HDAC9: variants seen among roughly 807,000 people sequenced by gnomAD.
HDAC9 encodes the protein histone deacetylase 9, also known as MEF-2 interacting transcription repressor (MITR) protein.
Under a neutral mutation model 139.4 loss-of-function variants are expected in HDAC9, and 41 were observed. The ratio of observed to expected loss-of-function variants is 0.29; its 90% CI spans 0.23 to 0.38. The LOEUF is 0.38. Ranked by LOEUF, HDAC9 falls within the 10% of genes least tolerant of loss-of-function variation. HDAC9 has a pLI of 1.00. For missense variants in HDAC9, 1,147 were observed against 1,297.0 expected (o/e 0.88, Z 1.78); for synonymous variants, 517 against 476.2 (o/e 1.09, Z -1.12).
At chr7:18,347,038 G>T (rs1467633755) in intron 1 of HDAC9, among the ~76,000 whole-genome samples, 1 of 152,114 alleles carries the variant, frequency 6.6e-6, no homozygotes, top group Non-Finnish European at 1.5e-5. Context: ...TGGGATGGGG[G>T]TTTTAAAAGT....
intron 2 of HDAC9, among the ~76,000 whole-genome samples, chr7:18,278,882 T>G (rs1171230663): frequency 6.6e-6 from 1 of 152,220 alleles, no homozygotes; most frequent in African/African-American, 2.4e-5. Context: ...TATTGAATAT[T>G]CTATTGAACA....
chr7:18,283,259 G>C (rs927588994), intron 2 of HDAC9, among the ~76,000 whole-genome samples: 1 of 152,096 alleles, frequency 6.6e-6, no homozygotes, highest in Non-Finnish European at 1.5e-5. Flanking sequence ...AGGGAGCAAA[G>C]GGGGAAGTGC....
intron 2 of HDAC9, among the ~76,000 whole-genome samples, chr7:18,503,712 C>A (rs780495535): frequency 2.0e-5 from 3 of 152,122 alleles, no homozygotes; most frequent in Non-Finnish European, 4.4e-5. Flanking sequence ...TTTTTGCATG[C>A]TGATAAGGTT....
chr7:18,212,668 A>G (rs1792026555), intron 2 of HDAC9, among the ~76,000 whole-genome samples: 1 of 152,226 alleles, frequency 6.6e-6, no homozygotes, highest in Non-Finnish European at 1.5e-5. Context: ...CATAAGACAG[A>G]GGAGGCATCT....
chr7:18,159,920 A>G (rs1787507521), intron 1 of HDAC9, among the ~76,000 whole-genome samples: 1 of 152,188 alleles, frequency 6.6e-6, no homozygotes, highest in African/African-American at 2.4e-5. Flanking sequence ...TTGTAAGTCA[A>G]ATTTATATTT....
intron 1 of HDAC9, among the ~76,000 whole-genome samples, chr7:18,132,665 G>A (rs1431988865): frequency 6.6e-6 from 1 of 152,116 alleles, no homozygotes; most frequent in Non-Finnish European, 1.5e-5. Context: ...AAAAAAGACA[G>A]CATGTTCCTT....
chr7:18,762,081 T>G (rs1789439423), intron 14 of HDAC9, 76 bp from the exon 15 acceptor site: 2 of 1,492,980 alleles, frequency 1.3e-6, no homozygotes, highest in African/African-American at 2.8e-5. Context: ...TTAATCATCT[T>G]AAATGTGACT....
chr7:18,322,563 A>G (rs1389328597), intron 1 of HDAC9, among the ~76,000 whole-genome samples: 1 of 152,152 alleles, frequency 6.6e-6, no homozygotes, highest in Non-Finnish European at 1.5e-5. Context: ...TTCCATATTG[A>G]AAGGATCTAA....
chr7:18,835,973 A>G lies in HDAC9; in HGVS notation c.2660A>G (p.Asp887Gly). Residue 887 changes from aspartate (D) to glycine (G), a missense_variant, in exon 21 of 26, where the codon GAT becomes GGT. Around this residue, in one of 7 missense-constraint regions of HDAC9, gnomAD observed 407 missense variants for 521.5 expected, o/e 0.78. Coordinates refer to ENST00000686413, the MANE Select transcript of HDAC9 (RefSeq NM_178425.4). ...GGTGGCCTTGATCCTCCCATGGGAG[A>G]TGTTGAGTACCTTGAAGCATTCAGG... is the stretch of plus-strand genomic sequence containing the variant. ...WTGGLDPPMGDVEYLEAFRTI... is the reference protein window; with the variant it reads ...WTGGLDPPMGGVEYLEAFRTI... The G allele has an allele frequency of 6.4e-7, 1 of 1,564,122 alleles. No homozygotes were observed. Among genetic ancestry groups the G allele is most frequent in the Non-Finnish European group, 8.7e-7 (1 of 1,152,386 alleles).
intron 1 of HDAC9, among the ~76,000 whole-genome samples, chr7:18,413,198 TG>T (rs1225613767): frequency 2.0e-5 from 3 of 152,142 alleles, no homozygotes; most frequent in Non-Finnish European, 4.4e-5. Context: ...TGTTATGAAT[TG>T]GTATTTGCTG....
Position 18,509,608 on chromosome 7 carries a change from A to G in HDAC9, c.22+13284A>G, listed in dbSNP as rs948392714. 3.9e-5 allele frequency among the ~76,000 whole-genome samples: 6 copies of G among 152,138 alleles called. No homozygotes were observed. In the South Asian group the frequency reaches 1.2e-3, roughly 32 times the overall value. On this transcript the variant is annotated intron_variant, in intron 2 of 25. Transcript: ENST00000686413. ...TTACCAGGTATTTCCTTCTTCTGAG[A>G]TACCTTAATGCTCTATTCCAACTGG...
rs1373242809 is a variant in HDAC9 at position 19,001,110 on chromosome 7, T to C, written c.*5048T>C. 2 of 152,240 alleles carry C rather than the reference T, an allele frequency of 1.3e-5. No individual in the cohort carries two copies. Among genetic ancestry groups the C allele is most frequent in the African/African-American group, 2.4e-5 (1 of 41,468 alleles). 9.4% of individuals were successfully genotyped at this position (152,240 alleles called of 1,614,324 possible). A position where few individuals can be genotyped will look rare whatever the true frequency, so the allele number is the denominator to read the frequency against. On this transcript the variant is annotated 3_prime_UTR_variant, in exon 26 of 26. Coordinates refer to ENST00000686413, the MANE Select transcript of HDAC9 (RefSeq NM_178425.4). ...AGAATTATTCTTTTTGTTTCAAACA[T>C]AGTTTGCCATCATCTGGCTACTACC...
chr7:18,166,290 C>CA (rs1035047789), intron 2 of HDAC9, among the ~76,000 whole-genome samples: 1 of 152,166 alleles, frequency 6.6e-6, no homozygotes, highest in African/African-American at 2.4e-5. Flanking sequence ...AAAGCTAGCT[C>CA]ATCTCTCTTT....
chr7:18,956,607 G>A lies in HDAC9; in HGVS notation c.3022+2377G>A, dbSNP rs151162126. 7.1e-3 allele frequency among the ~76,000 whole-genome samples: 1,076 copies of A among 152,188 alleles called. 7 individuals carry two copies. The highest frequency in any genetic ancestry group is 0.031 in the South Asian group (150 of 4,812). ...TGAGTCAAGGATATATGGTGTAGTG[G>A]ACACTGATTTTGGTATACCCAGAAA... On this transcript the variant is annotated intron_variant, in intron 24 of 25. Coordinates refer to ENST00000686413, the MANE Select transcript of HDAC9 (RefSeq NM_178425.4).
intron 1 of HDAC9, among the ~76,000 whole-genome samples, chr7:18,311,547 G>A (rs988585244): frequency 6.6e-6 from 1 of 152,070 alleles, no homozygotes; most frequent in Non-Finnish European, 1.5e-5. Context: ...TACAGATGAG[G>A]AAATAGGCAC....
In HDAC9 at chr7:18,091,361, T is replaced by C. The variant is rs1782133217; in HGVS notation, c.-97+4148T>C. Among the ~76,000 whole-genome samples, 3 of 152,282 alleles carry C rather than the reference T, an allele frequency of 2.0e-5. No homozygotes were observed. The South Asian group carries it at 6.2e-4, about 32-fold the overall frequency. On this transcript the variant is annotated intron_variant, in intron 1 of 12. Coordinates refer to the HDAC9 transcript ENST00000417496. ...TGAGGAGCATTGAGGTTGCTGGAAA[T>C]GGTACTTTCTTCACATCTCTACAGA...
chr7:18,466,110 A>G (rs1017008491), intron 1 of HDAC9, among the ~76,000 whole-genome samples: 2 of 152,174 alleles, frequency 1.3e-5, no homozygotes, highest in Non-Finnish European at 2.9e-5. Flanking sequence ...TTCTTTGTCT[A>G]AGAATGAGCT....
intron 2 of HDAC9, among the ~76,000 whole-genome samples, chr7:18,250,416 T>G (rs543980177): frequency 6.6e-6 from 1 of 152,354 alleles, no homozygotes; most frequent in African/African-American, 2.4e-5. Context: ...CCAACTTTTA[T>G]GTCCCTGAGC....
intron 2 of HDAC9, among the ~76,000 whole-genome samples, chr7:18,202,759 A>G (rs1365101042): frequency 6.6e-6 from 1 of 152,306 alleles, no homozygotes; most frequent in East Asian, 1.9e-4. Context: ...CATGTCAAGT[A>G]TCTGTTATAG....
Sources: gnomAD v4.1 joint callset for allele counts (sites outside exome capture counted in the v4.1 genomes callset) on GRCh38, gnomAD v4.1.1 for gene constraint, gnomAD v4.1.1 regional missense constraint, MANE v1.5 for transcripts, NCBI Gene and HGNC (gene_info 2026-07-23, HGNC 2026-07-21) for gene names.